The following UBE2E2 variants were observed in gnomAD, a reference collection of about 807,000 sequenced individuals.
The protein encoded by UBE2E2 is ubiquitin-conjugating enzyme E2 E2.
Under a neutral mutation model 24.7 loss-of-function variants are expected in UBE2E2, and 6 were observed. The observed-to-expected ratio is 0.24, with a 90% confidence interval of 0.13 to 0.48. The LOEUF (loss-of-function observed/expected upper bound fraction) is 0.48, where lower values mean the gene tolerates loss of function less well. UBE2E2 is among the 20% of genes least tolerant of loss of function. The pLI, the probability that UBE2E2 is intolerant of heterozygous loss-of-function variation, is 0.99. For synonymous variants in UBE2E2, 104 were observed against 83.6 expected (o/e 1.24, Z -1.33); for missense variants, 169 against 245.0 (o/e 0.69, Z 2.07).
intron 5 of UBE2E2, among the ~76,000 whole-genome samples, chr3:23,558,874 A>C (rs979738816): frequency 2.0e-5 from 3 of 152,206 alleles, no homozygotes; most frequent in Non-Finnish European, 2.9e-5. Flanking sequence ...CAACCTGGGC[A>C]ACATAGCAAG....
intron 3 of UBE2E2, among the ~76,000 whole-genome samples, chr3:23,291,838 A>G (rs965105496): frequency 3.0e-5 from 4 of 132,100 alleles, no homozygotes; most frequent in African/African-American, 1.2e-4. Flanking sequence ...GTGTGCCACC[A>G]TGCCCGGCTA....
chr3:23,508,267 C>T (rs181217543), intron 4 of UBE2E2, among the ~76,000 whole-genome samples: 45 of 152,278 alleles, frequency 3.0e-4, no homozygotes, highest in Middle Eastern at 3.4e-3. Context: ...TGTGTCCAGC[C>T]ACCACCTACA....
chr3:23,308,292 CT>C (rs1243978238), intron 3 of UBE2E2, among the ~76,000 whole-genome samples: 1 of 152,140 alleles, frequency 6.6e-6, no homozygotes, highest in African/African-American at 2.4e-5. Context: ...TTATAAGCCC[CT>C]ATGTAGTTTT....
intron 3 of UBE2E2, among the ~76,000 whole-genome samples, chr3:23,247,631 G>C (rs964414680): frequency 4.6e-5 from 7 of 152,202 alleles, no homozygotes; most frequent in Non-Finnish European, 2.9e-5. Flanking sequence ...TGGGATTACA[G>C]GTGTGAGGTA....
At position 23,552,096 on chromosome 3, in the gene UBE2E2, A is replaced by G. The variant is rs145711818; in HGVS notation, c.508+19395A>G. Among the ~76,000 whole-genome samples, 11 of 152,268 alleles carry G rather than the reference A, an allele frequency of 7.2e-5. No individual in the cohort carries two copies. The East Asian group carries it at 2.1e-3, about 29-fold the overall frequency. ...CCAGCACCATGATCTTTGAGTTCCC[A>G]GCCTCCAGAACTGAGAGAAATAAAT... On this transcript the variant is annotated intron_variant, in intron 5 of 5. Transcript: ENST00000396703.
chr3:23,472,217 A>C (rs1382596234), intron 3 of UBE2E2, among the ~76,000 whole-genome samples: 1 of 152,218 alleles, frequency 6.6e-6, no homozygotes, highest in Non-Finnish European at 1.5e-5. Flanking sequence ...TGAGCCACTT[A>C]CTTTCTGTCC....
chr3:23,507,816 T>C (rs573455954), intron 4 of UBE2E2, among the ~76,000 whole-genome samples: 1 of 152,328 alleles, frequency 6.6e-6, no homozygotes, highest in African/African-American at 2.4e-5. Context: ...AAGAGATGGT[T>C]TGAGGAGGAA....
chr3:23,317,611 C>CA (rs1386635263), intron 3 of UBE2E2, among the ~76,000 whole-genome samples: 1 of 152,090 alleles, frequency 6.6e-6, no homozygotes, highest in African/African-American at 2.4e-5. Context: ...AGGAGTAAGT[C>CA]ACATTTTAAC....
intron 5 of UBE2E2, among the ~76,000 whole-genome samples, chr3:23,574,416 G>A (rs1053496592): frequency 1.3e-5 from 2 of 152,148 alleles, no homozygotes; most frequent in Non-Finnish European, 2.9e-5. Flanking sequence ...ACATGCTTGA[G>A]GGGATGAATA....
chr3:23,379,395 T>G (rs1408683817), intron 3 of UBE2E2, among the ~76,000 whole-genome samples: 1 of 61,598 alleles, frequency 1.6e-5, no homozygotes, highest in Non-Finnish European at 3.1e-5. Flanking sequence ...CCCTCCCCCC[T>G]CCCCCGACCC....
At position 23,532,799 on chromosome 3, in the gene UBE2E2, C is replaced by CT. The variant is rs534373618; in HGVS notation, c.508+99dup. On this transcript the variant is annotated intron_variant, in intron 5 of 5. Coordinates refer to ENST00000396703, the MANE Select transcript of UBE2E2 (RefSeq NM_152653.4). ...ACTACTGCTACTACCACTACCACCACTGCTTCTACTACTATTATTGTTAAA... is the reference window on the plus strand; with the variant it reads ...ACTACTGCTACTACCACTACCACCACTTGCTTCTACTACTATTATTGTTAAA... 3.4e-5 allele frequency: 37 copies of CT among 1,080,122 alleles called. No homozygotes were observed. In the East Asian group the frequency reaches 9.3e-4, roughly 27 times the overall value. 66.9% of individuals were successfully genotyped at this position (1,080,122 alleles called of 1,614,324 possible).
At chr3:23,279,630 A>C (rs1698444287) in intron 3 of UBE2E2, among the ~76,000 whole-genome samples, 1 of 152,232 alleles carries the variant, frequency 6.6e-6, no homozygotes, top group African/African-American at 2.4e-5. Flanking sequence ...AGTTGGAACC[A>C]GCTTAGGGTC....
At chr3:23,348,756 G>A (rs1287373004) in intron 3 of UBE2E2, among the ~76,000 whole-genome samples, 2 of 152,104 alleles carry the variant, frequency 1.3e-5, no homozygotes, top group Non-Finnish European at 2.9e-5. Flanking sequence ...CTTTCACAAA[G>A]GCCAAAGAGT....
Position 23,274,522 on chromosome 3 carries a change from AT to A in UBE2E2, c.227+57221del, listed in dbSNP as rs555448245. Among the ~76,000 whole-genome samples, 326 of 146,400 alleles carry A rather than the reference AT, an allele frequency of 2.2e-3. 11 individuals carry two copies. In the South Asian group the frequency reaches 0.057, roughly 25 times the overall value. ...AGGCGCGCACCACCATGCCTGGCTA[AT>A]TTTTTTTTTTGTATTTTTTATAGAG... On this transcript the variant is annotated intron_variant, in intron 3 of 5. Coordinates refer to ENST00000396703, the MANE Select transcript of UBE2E2 (RefSeq NM_152653.4).
intron 5 of UBE2E2, among the ~76,000 whole-genome samples, chr3:23,586,059 A>C (rs562344633): frequency 6.6e-6 from 1 of 152,320 alleles, no homozygotes; most frequent in African/African-American, 2.4e-5. Flanking sequence ...TTTTCAGCAG[A>C]GATCCATTTT....
intron 3 of UBE2E2, among the ~76,000 whole-genome samples, chr3:23,400,894 A>C (rs1215458925): frequency 6.6e-6 from 1 of 152,152 alleles, no homozygotes; most frequent in African/African-American, 2.4e-5. Flanking sequence ...AGCTGTGAAC[A>C]AGTTAGTTTT....
intron 1 of UBE2E2, among the ~76,000 whole-genome samples, chr3:23,204,257 G>C (rs1476741238): frequency 6.6e-6 from 1 of 150,618 alleles, no homozygotes; most frequent in Admixed American, 6.7e-5. Flanking sequence ...TTTCCCCCAC[G>C]ACCAACCAGA....
intron 3 of UBE2E2, among the ~76,000 whole-genome samples, chr3:23,427,698 T>C (rs981200313): frequency 4.6e-5 from 7 of 152,136 alleles, no homozygotes; most frequent in Non-Finnish European, 8.8e-5. Flanking sequence ...AAAACACATG[T>C]AGAGTAAAGA....
chr3:23,372,163 T>C (rs903953961), intron 3 of UBE2E2, among the ~76,000 whole-genome samples: 6 of 152,246 alleles, frequency 3.9e-5, no homozygotes, highest in African/African-American at 1.4e-4. Flanking sequence ...AAAATATAAA[T>C]AAAACTTAAT....
Sources: gnomAD v4.1 joint callset for allele counts (sites outside exome capture counted in the v4.1 genomes callset) on GRCh38, gnomAD v4.1.1 for gene constraint, MANE v1.5 for transcripts, NCBI Gene and HGNC (gene_info 2026-07-23, HGNC 2026-07-21) for gene names.